The following SEMA3E variants were observed in gnomAD, a reference collection of about 807,000 sequenced individuals.
SEMA3E encodes semaphorin-3E.
A neutral mutation model predicts 93.6 loss-of-function variants in SEMA3E; 49 were observed. That is an observed-to-expected ratio of 0.52 (90% confidence interval 0.42 to 0.66). SEMA3E has a LOEUF of 0.66. Among genes scored for constraint, SEMA3E ranks in the 30% least tolerant of loss-of-function variants. The pLI is 0.00. For missense variants in SEMA3E, 906 were observed against 964.8 expected, an observed-to-expected ratio of 0.94 and a Z score of 0.81; for synonymous variants, 363 against 330.7, an observed-to-expected ratio of 1.10 and a Z score of -1.06.
intron 16 of SEMA3E, among the ~76,000 whole-genome samples, chr7:83,370,974 G>A (rs147814260): frequency 4.9e-4 from 74 of 152,236 alleles, no homozygotes; most frequent in Admixed American, 1.0e-3. Flanking sequence ...TCCTGCTTTT[G>A]TAAATCTAGA....
intron 3 of SEMA3E, among the ~76,000 whole-genome samples, chr7:83,467,195 G>C (rs550975668): frequency 2.0e-5 from 3 of 151,816 alleles, no homozygotes; most frequent in African/African-American, 4.8e-5. Context: ...CTCTGGAGTA[G>C]CTGCAACTAC....
chr7:83,486,289 G>A (rs906778458), intron 2 of SEMA3E, among the ~76,000 whole-genome samples: 1 of 152,084 alleles, frequency 6.6e-6, no homozygotes, highest in African/African-American at 2.4e-5. Context: ...CATTTTGTAG[G>A]TACAAGCCAG....
intron 1 of SEMA3E, among the ~76,000 whole-genome samples, chr7:83,607,627 A>G (rs1181204059): frequency 6.6e-6 from 1 of 152,228 alleles, no homozygotes; most frequent in Non-Finnish European, 1.5e-5. Context: ...GGAATACTAT[A>G]AGTATGATCA....
intron 4 of SEMA3E, among the ~76,000 whole-genome samples, chr7:83,449,375 C>T (rs1481436140): frequency 6.6e-6 from 1 of 152,050 alleles, no homozygotes; most frequent in Non-Finnish European, 1.5e-5. Context: ...GCTAGGATTA[C>T]AGGCATGAGC....
At chr7:83,569,181 G>A (rs911723784) in intron 1 of SEMA3E, among the ~76,000 whole-genome samples, 4 of 151,538 alleles carry the variant, frequency 2.6e-5, no homozygotes, top group African/African-American at 9.7e-5. Flanking sequence ...TAACCTAAGG[G>A]GTAAAAGATC....
In SEMA3E at chr7:83,545,335, C is replaced by G. The variant is rs561127444; in HGVS notation, c.116-55061G>C. Among the ~76,000 whole-genome samples the G allele has an allele frequency of 8.2e-4, 125 of 152,030 alleles. 1 individual carries two copies. The highest frequency in any genetic ancestry group is 3.4e-3 in the Middle Eastern group (1 of 294). On this transcript the variant is annotated intron_variant, in intron 1 of 16. Transcript: ENST00000643230. ...CCTGGGGCCATGCCTTCCCCCAGTCCCATTCCTATCCATTTTGAGTCAGTC... is the reference window on the plus strand; with the variant it reads ...CCTGGGGCCATGCCTTCCCCCAGTCGCATTCCTATCCATTTTGAGTCAGTC...
At chr7:83,431,488 C>T (rs1037402494) in intron 4 of SEMA3E, among the ~76,000 whole-genome samples, 2 of 152,090 alleles carry the variant, frequency 1.3e-5, no homozygotes, top group Non-Finnish European at 2.9e-5. Context: ...TTACTACAAC[C>T]TCCCCCTCCC....
chr7:83,606,733 G>A (rs1421214151), intron 1 of SEMA3E, among the ~76,000 whole-genome samples: 1 of 141,856 alleles, frequency 7.0e-6, no homozygotes, highest in East Asian at 2.1e-4. Context: ...TGCACAATGT[G>A]CACATGTACC....
At position 83,418,393 on chromosome 7, in the gene SEMA3E, T is replaced by G; in HGVS notation, c.547A>C (p.Ile183Leu). The G allele has an allele frequency of 6.2e-7, 1 of 1,605,742 alleles. No individual in the cohort carries two copies. The highest frequency in any genetic ancestry group is 8.5e-7 in the Non-Finnish European group (1 of 1,173,714). The change falls in exon 5 of 17, where the codon ATT becomes CTT. Residue 183 changes from isoleucine (I) to leucine (L), a missense_variant. Physicochemically the swap from Ile to Leu is conservative, Grantham distance 5. Coordinates refer to ENST00000643230, the MANE Select transcript of SEMA3E (RefSeq NM_012431.3). ...DPSSSFISTL[I>L]GSELFAGLYS... ...TGTCTGTGGCAATGACAATTACCAA[T>G]TAAAGTGGAGATGAAGGAGGAGCTG...
At chr7:83,605,285 C>T (rs186202999) in intron 1 of SEMA3E, among the ~76,000 whole-genome samples, 14 of 152,172 alleles carry the variant, frequency 9.2e-5, no homozygotes, top group South Asian at 4.1e-4. Flanking sequence ...ACAGACTTGC[C>T]GGTATCTATT....
intron 5 of SEMA3E, 77 bp downstream of exon 5, chr7:83,418,313 A>T: frequency 9.9e-7 from 1 of 1,007,370 alleles, no homozygotes; most frequent in Non-Finnish European, 1.5e-6. Flanking sequence ...AAATGCTGAA[A>T]GAATGTAACT....
rs758060734 is a variant in SEMA3E at position 83,392,700 on chromosome 7, C to T, written c.1522G>A (p.Ala508Thr). The T allele has an allele frequency of 3.6e-5, 58 of 1,613,700 alleles. No homozygotes were observed. The Admixed American group carries it at 9.7e-4, about 27-fold the overall frequency. ...AATCTGACTTGAGCCACAGCAGAAG[C>T]AGATCCAATATACAGCTGTTGCTAC... ...SKRQQLYIGSASAVAQVRFHH... is the reference protein window; with the variant it reads ...SKRQQLYIGSTSAVAQVRFHH... Residue 508 changes from alanine to threonine, a missense_variant, in exon 14 of 17, where the codon GCT becomes ACT. Ala to Thr is a moderately conservative substitution (Grantham distance 58, BLOSUM62 0). Coordinates refer to ENST00000643230, the MANE Select transcript of SEMA3E (RefSeq NM_012431.3).
intron 1 of SEMA3E, among the ~76,000 whole-genome samples, chr7:83,626,356 G>A (rs2115652962): frequency 6.6e-6 from 1 of 152,068 alleles, no homozygotes; most frequent in East Asian, 1.9e-4. Context: ...TGGATGGTAG[G>A]CTATTAATTA....
intron 1 of SEMA3E, among the ~76,000 whole-genome samples, chr7:83,514,208 G>C (rs758265910): frequency 9.2e-5 from 14 of 152,078 alleles, no homozygotes; most frequent in Non-Finnish European, 1.6e-4. Flanking sequence ...TCCACCCCTT[G>C]TTTAGCATAT....
chr7:83,611,361 T>TTTATATATTATATATATAAATTTATATA (rs1192094549), intron 1 of SEMA3E, among the ~76,000 whole-genome samples: 4 of 144,282 alleles, frequency 2.8e-5, no homozygotes, highest in Non-Finnish European at 6.0e-5. Flanking sequence ...TATGTGTAAA[T>TTTATATATTATATATATAAATTTATATA]TTATATATTA....
intron 2 of SEMA3E, among the ~76,000 whole-genome samples, chr7:83,486,399 G>C (rs974052638): frequency 3.3e-5 from 5 of 152,096 alleles, no homozygotes; most frequent in African/African-American, 1.2e-4. Context: ...CTCAGAGATA[G>C]AGAAAGCACA....
chr7:83,638,876 C>T (rs1366295135), intron 1 of SEMA3E, among the ~76,000 whole-genome samples: 1 of 151,786 alleles, frequency 6.6e-6, no homozygotes, highest in Non-Finnish European at 1.5e-5. Flanking sequence ...CTTTGGGAGG[C>T]CGAGGCGGGC....
chr7:83,537,432 G>C (rs978679963), intron 1 of SEMA3E, among the ~76,000 whole-genome samples: 2 of 152,134 alleles, frequency 1.3e-5, no homozygotes, highest in African/African-American at 2.4e-5. Flanking sequence ...GTAATGTCTA[G>C]AGACATTTTT....
rs1244796627 is a variant in SEMA3E at position 83,430,517 on chromosome 7, T to G, written c.457-12034A>C. ...GCAGCCATAAAAAATAATGAGTTCA[T>G]GTCATTTGCAGGGACATGTATGAAG... On this transcript the variant is annotated intron_variant, in intron 4 of 16. Transcript: ENST00000643230. Among the ~76,000 whole-genome samples the G allele has an allele frequency of 2.0e-5, 3 of 152,096 alleles. No individual in the cohort carries two copies. In the East Asian group the frequency reaches 5.8e-4, roughly 29 times the overall value.
Sources: gnomAD v4.1 joint callset for allele counts (sites outside exome capture counted in the v4.1 genomes callset) on GRCh38, gnomAD v4.1.1 for gene constraint, MANE v1.5 for transcripts, NCBI Gene and HGNC (gene_info 2026-07-23, HGNC 2026-07-21) for gene names.